The following SLC6A17 variants were observed in gnomAD, a reference collection of about 807,000 sequenced individuals.
The protein encoded by SLC6A17 is solute carrier family 6 member 17.
SLC6A17 carries 21 observed loss-of-function variants against 64.5 expected under a neutral mutation model. That is an observed-to-expected ratio of 0.33 (90% CI 0.23 to 0.47). The LOEUF (loss-of-function observed/expected upper bound fraction) is 0.47, where lower values mean the gene tolerates loss of function less well. Among genes scored for constraint, SLC6A17 ranks in the 20% least tolerant of loss-of-function variants. The pLI, the probability that SLC6A17 is intolerant of heterozygous loss-of-function variation, is 1.00. For synonymous variants in SLC6A17, 372 were observed against 399.5 expected (o/e 0.93, Z 0.82); for missense variants, 682 against 963.2 (o/e 0.71, Z 3.86).
In SLC6A17 at chr1:110,172,224, C is replaced by T. The variant is rs1656261540; in HGVS notation, c.444+7C>T. ...CGGCTTCTCCAGCTGCATAGTGAGT[C>T]AAGGGCTGGGGCAGGCACTGAGTGG... On this transcript the variant is annotated splice_region_variant and intron_variant, in intron 3 of 11. Transcript: ENST00000331565. 6.3e-7 allele frequency: 1 copy of T among 1,575,100 alleles called. No homozygotes were observed. The highest frequency in any genetic ancestry group is 1.8e-5 in the Admixed American group (1 of 54,438).
chr1:110,198,668 A>C lies in SLC6A17; in HGVS notation c.*224A>C. ...TGTTTCCTAATTCAGGACCCCACTC[A>C]TCTAGCCCTCCAAGAGCCTCCGCCA... On this transcript the variant is annotated 3_prime_UTR_variant, in exon 12 of 12. Transcript: ENST00000331565. 1 of 682,604 alleles carries C rather than the reference A, an allele frequency of 1.5e-6. No homozygotes were observed. Among genetic ancestry groups the C allele is most frequent in the Non-Finnish European group, 2.3e-6 (1 of 441,120 alleles). The allele number at this position is 682,604 out of a possible 1,614,324, so 42.3% of individuals were successfully genotyped here.
intron 2 of SLC6A17, among the ~76,000 whole-genome samples, chr1:110,169,843 T>C (rs1656170017): frequency 6.6e-6 from 1 of 152,138 alleles, no homozygotes; most frequent in Non-Finnish European, 1.5e-5. Flanking sequence ...GCAACAAAGG[T>C]TGATATGAAA....
At chr1:110,175,077 G>A in intron 5 of SLC6A17, 117 bp downstream of exon 5, 2 of 1,257,214 alleles carry the variant, frequency 1.6e-6, no homozygotes, top group Non-Finnish European at 1.1e-6. Flanking sequence ...GATAACACAG[G>A]CCCCCAGAGG....
At chr1:110,182,039 C>A (rs1656539862) in intron 6 of SLC6A17, among the ~76,000 whole-genome samples, 1 of 152,132 alleles carries the variant, frequency 6.6e-6, no homozygotes, top group Non-Finnish European at 1.5e-5. Context: ...TAAGTGGCTT[C>A]TGTAGAAAAT....
rs5777005 is a variant in SLC6A17 at position 110,186,682 on chromosome 1, C to CTCTT, written c.865-5290_865-5289insTCTT. Among the ~76,000 whole-genome samples the CTCTT allele has an allele frequency of 4.3e-3, 647 of 151,624 alleles. 6 individuals carry two copies. The highest frequency in any genetic ancestry group is 0.015 in the African/African-American group (608 of 41,392). On this transcript the variant is annotated intron_variant, in intron 6 of 11. Coordinates refer to ENST00000331565, the MANE Select transcript of SLC6A17 (RefSeq NM_001010898.4). ...TTGTCTAGTCTCTCTCTCTCTCTCT[C>CTCTT]GCTCCCGACTCTTTCCTTCTCTCAC...
chr1:110,190,102 G>A (rs576132967), intron 6 of SLC6A17, among the ~76,000 whole-genome samples: 1 of 152,332 alleles, frequency 6.6e-6, no homozygotes, highest in East Asian at 1.9e-4. Context: ...ATTGATGGAT[G>A]AGTGGCTACA....
intron 1 of SLC6A17, among the ~76,000 whole-genome samples, chr1:110,158,686 A>G (rs1421838783): frequency 6.6e-6 from 1 of 152,202 alleles, no homozygotes; most frequent in Non-Finnish European, 1.5e-5. Context: ...CATCTCATAA[A>G]TGGCAGAGCA....
intron 2 of SLC6A17, among the ~76,000 whole-genome samples, chr1:110,169,729 A>G (rs1056661598): frequency 3.9e-5 from 6 of 152,246 alleles, no homozygotes; most frequent in Non-Finnish European, 1.5e-5. Context: ...CGGATGAACA[A>G]CTTTAGGCTC....
intron 1 of SLC6A17, among the ~76,000 whole-genome samples, chr1:110,162,054 C>T (rs1655924509): frequency 1.3e-5 from 2 of 152,258 alleles, no homozygotes; most frequent in Admixed American, 6.5e-5. Context: ...CAAGCTGGCA[C>T]CAAGGGCCTT....
rs927046944 is a variant in SLC6A17 at position 110,188,986 on chromosome 1, G to A, written c.865-2986G>A. On this transcript the variant is annotated intron_variant, in intron 6 of 11. Coordinates refer to ENST00000331565, the MANE Select transcript of SLC6A17 (RefSeq NM_001010898.4). The stretch of plus-strand genomic sequence containing the variant: ...ACTGACCCTTCCTCCTCCAGGCTCT[G>A]GGTTTTCCTCTTGCCTCTGCTGCTT... 6.6e-5 allele frequency among the ~76,000 whole-genome samples: 10 copies of A among 152,132 alleles called. No individual in the cohort carries two copies. The East Asian group carries it at 9.7e-4, about 15-fold the overall frequency.
Position 110,197,433 on chromosome 1 carries a change from G to A in SLC6A17, c.1653-4G>A. On this transcript the variant is annotated splice_region_variant and splice_polypyrimidine_tract_variant and intron_variant, in intron 10 of 11. Transcript: ENST00000331565. ...ACTGCTGGACCCTCTGCTATGCCTG[G>A]CAGGTTCATGCAGGAGCTGACGGAG... The A allele has an allele frequency of 6.2e-7, 1 of 1,608,866 alleles. No homozygotes were observed. The highest frequency in any genetic ancestry group is 1.1e-5 in the South Asian group (1 of 90,026).
At chr1:110,172,434 G>A in intron 3 of SLC6A17, 2 of 610,372 alleles carry the variant, frequency 3.3e-6, no homozygotes, top group Non-Finnish European at 2.8e-6. Flanking sequence ...AAACAGCATG[G>A]AAGATTTGCC....
At chr1:110,164,136 A>G (rs1655987791) in intron 1 of SLC6A17, among the ~76,000 whole-genome samples, 1 of 152,206 alleles carries the variant, frequency 6.6e-6, no homozygotes, top group African/African-American at 2.4e-5. Context: ...CCTCACACCT[A>G]GAACAGAGGC....
In SLC6A17 at chr1:110,176,710, G is replaced by A; in HGVS notation, c.835G>A (p.Asp279Asn). 2 of 1,614,018 alleles carry A rather than the reference G, an allele frequency of 1.2e-6. No individual in the cohort carries two copies. The highest frequency in any genetic ancestry group is 1.7e-6 in the Non-Finnish European group (2 of 1,179,922). ...VRGLLLRGAV[D>N]GILHMFTPKL... is the part of the protein sequence containing the mutation. The stretch of plus-strand genomic sequence containing the variant: ...GGGGCTGTTGCTGCGAGGGGCAGTT[G>A]ATGGCATCCTACACATGTTCACTCC... Residue 279 changes from aspartate (D) to asparagine (N), a missense_variant, in exon 6 of 12, where the codon GAT becomes AAT. Physicochemically the swap from Asp to Asn is conservative, Grantham distance 23. Coordinates refer to ENST00000331565, the MANE Select transcript of SLC6A17 (RefSeq NM_001010898.4).
intron 3 of SLC6A17, chr1:110,172,533 G>T: frequency 3.8e-6 from 1 of 266,142 alleles, no homozygotes; most frequent in Non-Finnish European, 7.1e-6. Context: ...ATATGGACTA[G>T]CCCAGATGCC....
chr1:110,196,661 T>C (rs1298459732), intron 10 of SLC6A17, among the ~76,000 whole-genome samples: 2 of 152,226 alleles, frequency 1.3e-5, no homozygotes, highest in African/African-American at 2.4e-5. Context: ...ACTTATTATA[T>C]TGAAAAATAG....
Position 110,192,287 on chromosome 1 carries a change from C to T in SLC6A17, c.1106+74C>T, listed in dbSNP as rs1254641006. ...CTGGGAGTGGGCAGGGGTGGGGGCG[C>T]AGGTGTGCATGGGGAGAGAGGTCCC... On this transcript the variant is annotated intron_variant, in intron 7 of 11. Coordinates refer to ENST00000331565, the MANE Select transcript of SLC6A17 (RefSeq NM_001010898.4). This position sits in a 1 kb window ranked among gnomAD's most constrained non-coding sequence, Gnocchi z 4.3. 6.4e-6 allele frequency: 10 copies of T among 1,558,594 alleles called. No individual in the cohort carries two copies. The East Asian group carries it at 1.4e-4, about 21-fold the overall frequency.
At chr1:110,190,067 C>T (rs926616223) in intron 6 of SLC6A17, among the ~76,000 whole-genome samples, 2 of 152,232 alleles carry the variant, frequency 1.3e-5, no homozygotes, top group African/African-American at 4.8e-5. Flanking sequence ...TAGCACCAGG[C>T]CTGGCCCACA....
chr1:110,186,664 G>GTCTCTC (rs571907418), intron 6 of SLC6A17, among the ~76,000 whole-genome samples: 6 of 112,034 alleles, frequency 5.4e-5, no homozygotes, highest in African/African-American at 1.8e-4. Flanking sequence ...CTTTTGTCTA[G>GTCTCTC]TCTCTCTCTC....
Sources: allele counts gnomAD v4.1 joint callset (sites outside exome capture counted in the v4.1 genomes callset), GRCh38; gene constraint gnomAD v4.1.1; non-coding constraint Gnocchi (gnomAD v3.1); transcripts MANE v1.5; gene names NCBI Gene and HGNC (gene_info 2026-07-23, HGNC 2026-07-21).